The following ICAM3 variants were observed in gnomAD, a reference collection of about 807,000 sequenced individuals.
ICAM3 encodes the protein intercellular adhesion molecule 3.
In ICAM3, 54 loss-of-function variants were observed where a neutral mutation model predicts 43.6. The observed-to-expected ratio is 1.24, with a 90% CI of 0.99 to 1.55. The LOEUF (loss-of-function observed/expected upper bound fraction) is 1.55. Among genes scored for constraint, ICAM3 ranks in the 40% most tolerant of loss-of-function variants. ICAM3 has a pLI of 0.00. For synonymous variants in ICAM3, 306 were observed against 312.6 expected (o/e 0.98, Z 0.22); for missense variants, 715 against 717.9 (o/e 1.00, Z 0.05).
intron 3 of ICAM3, 92 bp downstream of exon 3, chr19:10,335,579 T>G: frequency 7.5e-7 from 1 of 1,326,126 alleles, no homozygotes; most frequent in Non-Finnish European, 1.0e-6. Flanking sequence ...GCCTGTGAGG[T>G]CCGGGGTACC....
At position 10,335,422 on chromosome 19, in the gene ICAM3, C is replaced by G. The variant is rs986838334; in HGVS notation, c.650-69G>C. 5.0e-6 allele frequency: 7 copies of G among 1,398,338 alleles called. No homozygotes were observed. In the East Asian group the frequency reaches 1.3e-4, roughly 25 times the overall value. The allele number at this position is 1,398,338 out of a possible 1,614,324, so 86.6% of individuals were successfully genotyped here. The stretch of plus-strand genomic sequence containing the variant: ...TTCCCCAGGACACCCTCATCCCCCC[C>G]AGTCAGGATATCTTGCTGACTGGGT... On this transcript the variant is annotated intron_variant, in intron 3 of 6. Transcript: ENST00000160262.
Position 10,335,965 on chromosome 19 carries a change from G to T in ICAM3, c.355C>A (p.Arg119Ser). The T allele has an allele frequency of 1.3e-6, 2 of 1,558,246 alleles. No homozygotes were observed. Among genetic ancestry groups the T allele is most frequent in the African/African-American group, 1.3e-5 (1 of 74,348 alleles). ...SNITVYRLPE[R>S]VELAPLPPWQ... Reference sequence around the variant, plus strand: ...GGAGGCAGGGGTGCCAGCTCCACACGCTCCGGGAGCCCTGAGAGAGGAGGG... The same window carrying T: ...GGAGGCAGGGGTGCCAGCTCCACACTCTCCGGGAGCCCTGAGAGAGGAGGG... The change falls in exon 3 of 7, where the codon CGT becomes AGT. Residue 119 changes from arginine to serine, a missense_variant. By Grantham distance (110) the Arg-to-Ser change is moderately radical. Coordinates refer to ENST00000160262, the MANE Select transcript of ICAM3 (RefSeq NM_002162.5).
At position 10,335,128 on chromosome 19, in the gene ICAM3, A is replaced by G; in HGVS notation, c.875T>C (p.Ile292Thr). The G allele has an allele frequency of 6.2e-7, 1 of 1,613,448 alleles. No homozygotes were observed. Among genetic ancestry groups the G allele is most frequent in the Middle Eastern group, 1.6e-4 (1 of 6,062 alleles). The change falls in exon 4 of 7, where the codon ATC (isoleucine) becomes ACC (threonine). Residue 292 changes from isoleucine to threonine, a missense_variant. Transcript: ENST00000160262. ...ARADQEGARE[I>T]VCNVTLGGER... ...GCCCCCTAGGGTCACGTTGCAGACG[A>G]TCTCCCGGGCACCCTCCTGATCCGC...
At position 10,335,765 on chromosome 19, in the gene ICAM3, T is replaced by C. The variant is rs751456592; in HGVS notation, c.555A>G (p.Gly185=). The C allele has an allele frequency of 3.7e-6, 6 of 1,612,402 alleles. No homozygotes were observed. Among genetic ancestry groups the C allele is most frequent in the Middle Eastern group, 3.3e-4 (2 of 6,062 alleles). The change falls in exon 3 of 7, where the codon GGA becomes GGG. Residue 185 remains glycine (G), a synonymous_variant. Transcript: ENST00000160262. ...GTTCTGTGCGGCATGAGAAAGGGGCTCCGTGGTCGTCTCTGCTGGCCAGCA... is the reference window on the plus strand; with the variant it reads ...GTTCTGTGCGGCATGAGAAAGGGGCCCCGTGGTCGTCTCTGCTGGCCAGCA... The part of the protein sequence containing the change: ...ATVLASRDDH[G]APFSCRTELD...
chr19:10,333,779 G>C lies in ICAM3; in HGVS notation c.*78C>G. 6.7e-7 allele frequency: 1 copy of C among 1,492,138 alleles called. No individual in the cohort carries two copies. Among genetic ancestry groups the C allele is most frequent in the African/African-American group, 1.4e-5 (1 of 72,554 alleles). 92.4% of individuals were successfully genotyped at this position (1,492,138 alleles called of 1,614,324 possible). A position where few individuals can be genotyped will look rare whatever the true frequency, so the allele number is the denominator to read the frequency against. On this transcript the variant is annotated 3_prime_UTR_variant, in exon 7 of 7. Coordinates refer to ENST00000160262, the MANE Select transcript of ICAM3 (RefSeq NM_002162.5). This position sits in a 1 kb window ranked among gnomAD's most constrained non-coding sequence, Gnocchi z 4.2. ...GCGGGTGGAATCAAACCACAGATTA[G>C]GGAGTTTGAAGGCTTTATTGGTGCG...
intron 2 of ICAM3, among the ~76,000 whole-genome samples, chr19:10,338,481 C>T (rs568399510): frequency 8.6e-5 from 13 of 151,894 alleles, no homozygotes; most frequent in Admixed American, 2.6e-4. Context: ...GATTGAGATG[C>T]GTCTCTATAT....
chr19:10,337,056 G>T (rs887208904), intron 2 of ICAM3, among the ~76,000 whole-genome samples: 9 of 151,904 alleles, frequency 5.9e-5, no homozygotes, highest in African/African-American at 1.9e-4. Context: ...GTTGCAATGA[G>T]CTGACATCGC....
chr19:10,339,042 C>CTCGGCACAAG, intron 1 of ICAM3, 94 bp from the exon 2 acceptor site: 2 of 1,373,654 alleles, frequency 1.5e-6, no homozygotes, highest in Non-Finnish European at 2.0e-6. Flanking sequence ...CTCCTTGTGC[C>CTCGGCACAAG]GAGACAGAAG....
At position 10,335,309 on chromosome 19, in the gene ICAM3, C is replaced by T. The variant is rs1035655244; in HGVS notation, c.694G>A (p.Glu232Lys). Residue 232 changes from glutamate (E) to lysine (K), a missense_variant, in exon 4 of 7, where the codon GAG becomes AAG. Physicochemically the swap from Glu to Lys is moderately conservative, Grantham distance 56. Transcript: ENST00000160262. Reference sequence around the variant, plus strand: ...TCCACCGGCCACGACGTTTCCACCTCCAAGAACCGGGGGGCCACGAGGCGC... The same window carrying T: ...TCCACCGGCCACGACGTTTCCACCTTCAAGAACCGGGGGGCCACGAGGCGC... ...PPRLVAPRFL[E>K]VETSWPVDCT... is the part of the protein sequence containing the mutation. 1 of 1,612,392 alleles carries T rather than the reference C, an allele frequency of 6.2e-7. No homozygotes were observed. Among genetic ancestry groups the T allele is most frequent in the Non-Finnish European group, 8.5e-7 (1 of 1,179,822 alleles).
chr19:10,336,366 G>T lies in ICAM3; in HGVS notation c.344-390C>A, dbSNP rs1012286815. ...CGGGGTGGGTGGATCAAAAGGTCAGGATTATTCAGTTCTCTCCAATCAGGT... is the reference window on the plus strand; with the variant it reads ...CGGGGTGGGTGGATCAAAAGGTCAGTATTATTCAGTTCTCTCCAATCAGGT... On this transcript the variant is annotated intron_variant, in intron 2 of 6. Transcript: ENST00000160262. The T allele has an allele frequency of 2.3e-5, 5 of 214,688 alleles. No homozygotes were observed. The Admixed American group carries it at 2.6e-4, about 11-fold the overall frequency. 13.3% of individuals were successfully genotyped at this position (214,688 alleles called of 1,614,324 possible).
chr19:10,339,053 G>A (rs766912896), intron 1 of ICAM3, 105 bp from the exon 2 acceptor site: 21 of 1,258,462 alleles, frequency 1.7e-5, no homozygotes, highest in African/African-American at 7.5e-5. Flanking sequence ...GAGACAGAAG[G>A]GTTCCTGCCT....
In ICAM3 at chr19:10,334,073, G is replaced by T. The variant is rs1428136890; in HGVS notation, c.1442-14C>A. The T allele has an allele frequency of 1.2e-6, 2 of 1,613,640 alleles. No homozygotes were observed. Among genetic ancestry groups the T allele is most frequent in the East Asian group, 4.5e-5 (2 of 44,868 alleles). On this transcript the variant is annotated splice_polypyrimidine_tract_variant and intron_variant, in intron 6 of 6. Transcript: ENST00000160262. The surrounding 1 kb of genome is among the most constrained non-coding windows in gnomAD (Gnocchi z 5.5). Reference sequence around the variant, plus strand: ...GGGAGCTCCCAGCTGTGCAGAGAAAGCGCTAAGTCAATATGCGTCCCTTCT... The same window carrying T: ...GGGAGCTCCCAGCTGTGCAGAGAAATCGCTAAGTCAATATGCGTCCCTTCT...
At position 10,335,908 on chromosome 19, in the gene ICAM3, G is replaced by A; in HGVS notation, c.412C>T (p.Arg138Cys). 1.9e-6 allele frequency: 3 copies of A among 1,593,864 alleles called. No homozygotes were observed. Among genetic ancestry groups the A allele is most frequent in the Non-Finnish European group, 2.6e-6 (3 of 1,174,346 alleles). The change falls in exon 3 of 7, where the codon CGC becomes TGC. Residue 138 changes from arginine to cysteine, a missense_variant. Physicochemically the swap from Arg to Cys is radical, Grantham distance 180. Transcript: ENST00000160262. ...GGCGACCCATCCTCCACTTGGCAGC[G>A]CAGGGTGAAGTTCTGGCCCACCGGC... ...WQPVGQNFTLRCQVEDGSPRT... is the reference protein window; with the variant it reads ...WQPVGQNFTLCCQVEDGSPRT...
rs1436486089 is a variant in ICAM3, at chr19:10,338,806, C to G, written c.219G>C (p.Leu73=). The change falls in exon 2 of 7, where the codon CTG becomes CTC. Residue 73 remains leucine, a synonymous_variant. Coordinates refer to ENST00000160262, the MANE Select transcript of ICAM3 (RefSeq NM_002162.5). Reference sequence around the variant, plus strand: ...CTGCCCAGCCCATGCCACTGGCCACCAGCTCCTTTGATAGGGACGTCTCCA... The same window carrying G: ...CTGCCCAGCCCATGCCACTGGCCACGAGCTCCTTTGATAGGGACGTCTCCA... ...IALETSLSKE[L]VASGMGWAAF... The G allele has an allele frequency of 6.2e-7, 1 of 1,614,084 alleles. No homozygotes were observed. The highest frequency in any genetic ancestry group is 8.5e-7 in the Non-Finnish European group (1 of 1,180,050).
rs1339554499 is a variant in ICAM3 at position 10,334,315 on chromosome 19, G to A, written c.1286C>T (p.Pro429Leu). 6.2e-7 allele frequency: 1 copy of A among 1,614,168 alleles called. No homozygotes were observed. The highest frequency in any genetic ancestry group is 1.1e-5 in the South Asian group (1 of 91,082). ...HVLQCQARGN[P>L]YPELRCLKEG... ...CTTCAAACACCGCAGCTCGGGGTACGGGTTGCCCCTGGCTTGGCACTGCAG... is the reference window on the plus strand; with the variant it reads ...CTTCAAACACCGCAGCTCGGGGTACAGGTTGCCCCTGGCTTGGCACTGCAG... The change falls in exon 6 of 7, where the codon CCG (proline) becomes CTG (leucine). Residue 429 changes from proline to leucine, a missense_variant. Transcript: ENST00000160262. The surrounding 1 kb of genome is among the most constrained non-coding windows in gnomAD (Gnocchi z 5.5).
At position 10,335,289 on chromosome 19, in the gene ICAM3, C is replaced by G; in HGVS notation, c.714G>C (p.Pro238=). 6.2e-7 allele frequency: 1 copy of G among 1,612,916 alleles called. No homozygotes were observed. Among genetic ancestry groups the G allele is most frequent in the Non-Finnish European group, 8.5e-7 (1 of 1,179,908 alleles). Residue 238 remains proline (P), a synonymous_variant, in exon 4 of 7, where the codon CCG becomes CCC. Transcript: ENST00000160262. ...AAAGCCCGTCTAGGGTGCAGTCCAC[C>G]GGCCACGACGTTTCCACCTCCAAGA... The part of the protein sequence containing the change: ...PRFLEVETSW[P]VDCTLDGLFP...
Position 10,334,435 on chromosome 19 carries a change from C to T in ICAM3, c.1193-27G>A. The T allele has an allele frequency of 6.2e-7, 1 of 1,612,736 alleles. No individual in the cohort carries two copies. Among genetic ancestry groups the T allele is most frequent in the African/African-American group, 1.3e-5 (1 of 75,018 alleles). The stretch of plus-strand genomic sequence containing the variant: ...TGTGGAACCACCATGTGTGATCAGA[C>T]ACCCAACACACCCGAGGCACAGTGG... On this transcript the variant is annotated intron_variant, in intron 5 of 6. Coordinates refer to ENST00000160262, the MANE Select transcript of ICAM3 (RefSeq NM_002162.5). The surrounding 1 kb of genome is among the most constrained non-coding windows in gnomAD (Gnocchi z 5.5).
chr19:10,337,444 A>G (rs2040611316), intron 2 of ICAM3, among the ~76,000 whole-genome samples: 1 of 26,790 alleles, frequency 3.7e-5, no homozygotes, highest in Admixed American at 2.4e-4. Context: ...AAAGAAAAGA[A>G]AAAAAAAAGT....
intron 1 of ICAM3, 66 bp from the exon 2 acceptor site, chr19:10,339,014 C>A (rs947021661): frequency 6.4e-7 from 1 of 1,550,654 alleles, no homozygotes; most frequent in Non-Finnish European, 8.8e-7. Flanking sequence ...TCAACAGGCC[C>A]CACCATTTAA....
Sources: allele counts gnomAD v4.1 joint callset (sites outside exome capture counted in the v4.1 genomes callset), GRCh38; gene constraint gnomAD v4.1.1; non-coding constraint Gnocchi (gnomAD v3.1); transcripts MANE v1.5; gene names NCBI Gene and HGNC (gene_info 2026-07-23, HGNC 2026-07-21).